Variants in SPON1 observed in about 807,000 individuals in gnomAD.
SPON1 encodes the protein spondin 1.
A neutral mutation model predicts 111.7 loss-of-function variants in SPON1; 52 were observed. The observed-to-expected ratio is 0.47, with a 90% CI of 0.37 to 0.59. The LOEUF is 0.59. Ranked by LOEUF, SPON1 falls within the 20% of genes least tolerant of loss-of-function variation. SPON1 has a pLI of 0.00. For missense variants in SPON1, 957 were observed against 1,068.5 expected (o/e 0.90, Z 1.46); for synonymous variants, 410 against 395.8 (o/e 1.04, Z -0.43).
chr11:13,972,778 G>C (rs1451272868), intron 1 of SPON1, among the ~76,000 whole-genome samples: 1 of 152,088 alleles, frequency 6.6e-6, no homozygotes. Context: ...TTCTTTCTTT[G>C]CTTCAAAATT....
At chr11:14,104,479 A>G (rs912341866) in intron 5 of SPON1, among the ~76,000 whole-genome samples, 9 of 152,014 alleles carry the variant, frequency 5.9e-5, no homozygotes, top group African/African-American at 2.2e-4. Context: ...CAAAGATTTC[A>G]TTATCAAAAT....
At chr11:14,179,602 C>T (rs1848216706) in intron 6 of SPON1, among the ~76,000 whole-genome samples, 1 of 152,112 alleles carries the variant, frequency 6.6e-6, no homozygotes, top group South Asian at 2.1e-4. Flanking sequence ...GCTGTGTGAC[C>T]TTGAGCAAGT....
At chr11:14,003,628 G>C (rs546723273) in intron 2 of SPON1, among the ~76,000 whole-genome samples, 1 of 152,260 alleles carries the variant, frequency 6.6e-6, no homozygotes, top group East Asian at 1.9e-4. Context: ...GAAAGCGGGA[G>C]AGCTGAAGGG....
At chr11:14,178,480 A>G (rs1554933353) in intron 6 of SPON1, among the ~76,000 whole-genome samples, 1 of 151,702 alleles carries the variant, frequency 6.6e-6, no homozygotes, top group African/African-American at 2.4e-5. Flanking sequence ...ACTTGGTCTC[A>G]GTTTTCAACC....
chr11:14,248,171 A>G (rs1554940387), intron 7 of SPON1, among the ~76,000 whole-genome samples: 1 of 152,156 alleles, frequency 6.6e-6, no homozygotes, highest in East Asian at 1.9e-4. Flanking sequence ...CTTTGGGTTT[A>G]TCGACAGGAA....
At chr11:14,177,503 G>T (rs1200024776) in intron 6 of SPON1, among the ~76,000 whole-genome samples, 1 of 152,114 alleles carries the variant, frequency 6.6e-6, no homozygotes, top group African/African-American at 2.4e-5. Context: ...ATCTGGGTGG[G>T]GCCAGCTGGT....
chr11:14,135,204 T>C lies in SPON1; in HGVS notation c.677-216T>C. 2 of 469,140 alleles carry C rather than the reference T, an allele frequency of 4.3e-6. No individual in the cohort carries two copies. The highest frequency in any genetic ancestry group is 7.5e-6 in the Non-Finnish European group (2 of 265,092). 29.1% of individuals were successfully genotyped at this position (469,140 alleles called of 1,614,324 possible). A position where few individuals can be genotyped will look rare whatever the true frequency, so the allele number is the denominator to read the frequency against. Reference sequence around the variant, plus strand: ...ATCTCTGGGCTGCCTCTGCGTCTTGTTCAACATCTGCTGTTGACCTGTCTG... The same window carrying C: ...ATCTCTGGGCTGCCTCTGCGTCTTGCTCAACATCTGCTGTTGACCTGTCTG... On this transcript the variant is annotated intron_variant, in intron 5 of 15. Coordinates refer to ENST00000576479, the MANE Select transcript of SPON1 (RefSeq NM_006108.4). The surrounding 1 kb of genome is among the most constrained non-coding windows in gnomAD (Gnocchi z 4.4).
intron 6 of SPON1, among the ~76,000 whole-genome samples, chr11:14,140,013 C>T (rs7949918): frequency 6.6e-6 from 1 of 151,948 alleles, no homozygotes; most frequent in African/African-American, 2.4e-5. Context: ...AGTTGAATGC[C>T]GGACCACTTT....
intron 6 of SPON1, among the ~76,000 whole-genome samples, chr11:14,193,938 C>G (rs1554934812): frequency 6.6e-6 from 1 of 152,196 alleles, no homozygotes; most frequent in African/African-American, 2.4e-5. Context: ...TCACCAAGGG[C>G]TGTGATACTC....
intron 6 of SPON1, among the ~76,000 whole-genome samples, chr11:14,204,568 G>C (rs144209420): frequency 6.6e-6 from 1 of 152,090 alleles, no homozygotes; most frequent in African/African-American, 2.4e-5. Flanking sequence ...GATTACAGGC[G>C]TGAGTCACCA....
At chr11:14,061,762 G>T (rs1766775268) in intron 3 of SPON1, among the ~76,000 whole-genome samples, 1 of 152,238 alleles carries the variant, frequency 6.6e-6, no homozygotes, top group African/African-American at 2.4e-5. Flanking sequence ...AGCTCCAAAA[G>T]CTGGTTCTCT....
intron 5 of SPON1, among the ~76,000 whole-genome samples, chr11:14,092,471 T>G (rs559135153): frequency 3.9e-5 from 6 of 152,262 alleles, no homozygotes; most frequent in African/African-American, 1.4e-4. Context: ...GGAATTTACG[T>G]TGGACACTAT....
intron 3 of SPON1, among the ~76,000 whole-genome samples, chr11:14,045,403 C>T (rs1848661153): frequency 1.3e-5 from 2 of 151,806 alleles, no homozygotes; most frequent in African/African-American, 2.4e-5. Context: ...ATGGTGAAAC[C>T]CCCGTCTCTT....
chr11:14,122,933 ATT>A (rs34948884), intron 5 of SPON1, among the ~76,000 whole-genome samples: 19 of 132,530 alleles, frequency 1.4e-4, no homozygotes, highest in Middle Eastern at 4.0e-3. Flanking sequence ...TGCTCTTGTA[ATT>A]TTTTTTTTTT....
intron 7 of SPON1, among the ~76,000 whole-genome samples, chr11:14,249,529 C>T (rs80050546): frequency 1.3e-5 from 2 of 152,292 alleles, no homozygotes; most frequent in African/African-American, 2.4e-5. Flanking sequence ...GGCTTGGGCG[C>T]CCTCTCGTGG....
chr11:14,101,315 G>C (rs1191841104), intron 5 of SPON1, among the ~76,000 whole-genome samples: 4 of 152,046 alleles, frequency 2.6e-5, no homozygotes, highest in African/African-American at 4.8e-5. Context: ...CAGGAGAATT[G>C]CTTGAACCCA....
chr11:14,184,026 T>A (rs933135730), intron 6 of SPON1, among the ~76,000 whole-genome samples: 1 of 152,162 alleles, frequency 6.6e-6, no homozygotes, highest in African/African-American at 2.4e-5. Context: ...CCCAGGCTGA[T>A]ATATGGATCA....
intron 2 of SPON1, among the ~76,000 whole-genome samples, chr11:14,003,502 GTGTC>G (rs1848335252): frequency 6.6e-6 from 1 of 152,150 alleles, no homozygotes; most frequent in East Asian, 1.9e-4. Context: ...ACCTTTGTCA[GTGTC>G]TGGGAATGTT....
intron 15 of SPON1, among the ~76,000 whole-genome samples, chr11:14,263,603 AG>A (rs1196562240): frequency 3.3e-5 from 5 of 152,244 alleles, no homozygotes; most frequent in African/African-American, 1.2e-4. Flanking sequence ...AATAACTAAT[AG>A]AACAATGCAC....
Sources: allele counts gnomAD v4.1 joint callset (sites outside exome capture counted in the v4.1 genomes callset), GRCh38; gene constraint gnomAD v4.1.1; non-coding constraint Gnocchi (gnomAD v3.1); transcripts MANE v1.5; gene names NCBI Gene and HGNC (gene_info 2026-07-23, HGNC 2026-07-21).